The following NLGN1 variants were observed in gnomAD, a reference collection of about 807,000 sequenced individuals.
NLGN1 encodes the protein neuroligin 1.
NLGN1 carries 12 observed loss-of-function variants against 65.5 expected under a neutral mutation model. The ratio of observed to expected loss-of-function variants is 0.18; its 90% CI spans 0.12 to 0.30. The LOEUF (loss-of-function observed/expected upper bound fraction) is 0.30, where lower values mean the gene tolerates loss of function less well. Among genes scored for constraint, NLGN1 ranks in the 10% least tolerant of loss-of-function variants. NLGN1 has a pLI of 1.00. For synonymous variants in NLGN1, 350 were observed against 359.5 expected (o/e 0.97, Z 0.30); for missense variants, 750 against 1,007.1 (o/e 0.74, Z 3.46).
intron 4 of NLGN1, among the ~76,000 whole-genome samples, chr3:173,974,433 A>G (rs1223986700): frequency 6.6e-6 from 1 of 152,086 alleles, no homozygotes; most frequent in East Asian, 1.9e-4. Flanking sequence ...ACAAATAATT[A>G]TTAATCACTT....
intron 4 of NLGN1, among the ~76,000 whole-genome samples, chr3:173,813,846 A>C (rs1718480426): frequency 1.3e-5 from 2 of 152,256 alleles, no homozygotes; most frequent in South Asian, 4.1e-4. Context: ...CTTACATTGT[A>C]CTACAGAAGA....
intron 4 of NLGN1, among the ~76,000 whole-genome samples, chr3:173,814,841 C>T (rs1460803592): frequency 2.0e-5 from 3 of 151,924 alleles, no homozygotes; most frequent in African/African-American, 7.3e-5. Flanking sequence ...ACATAGATAA[C>T]GATTGAATGC....
intron 4 of NLGN1, among the ~76,000 whole-genome samples, chr3:173,975,147 A>C (rs529932952): frequency 6.6e-6 from 1 of 152,168 alleles, no homozygotes; most frequent in South Asian, 2.1e-4. Flanking sequence ...TTACACTTAC[A>C]GTTGTCTTTA....
At chr3:174,224,832 A>G (rs1057130169) in intron 4 of NLGN1, among the ~76,000 whole-genome samples, 1 of 152,166 alleles carries the variant, frequency 6.6e-6, no homozygotes, top group African/African-American at 2.4e-5. Context: ...ACTTTTCCAG[A>G]ATCCCCAGGA....
At chr3:174,103,657 G>A (rs1713059488) in intron 4 of NLGN1, among the ~76,000 whole-genome samples, 1 of 151,948 alleles carries the variant, frequency 6.6e-6, no homozygotes, top group South Asian at 2.1e-4. Context: ...TTGTTATGTT[G>A]CAGTGAACTA....
intron 4 of NLGN1, among the ~76,000 whole-genome samples, chr3:173,938,589 G>A (rs2152302973): frequency 6.6e-6 from 1 of 152,254 alleles, no homozygotes; most frequent in Middle Eastern, 3.4e-3. Context: ...AAATGTCAAG[G>A]AGGTGCAAAG....
intron 2 of NLGN1, among the ~76,000 whole-genome samples, chr3:173,480,709 A>G (rs1167808671): frequency 6.6e-6 from 1 of 152,100 alleles, no homozygotes; most frequent in African/African-American, 2.4e-5. Context: ...TAGCTTTTTA[A>G]TTATTCCACT....
intron 4 of NLGN1, among the ~76,000 whole-genome samples, chr3:174,114,145 T>C (rs949997363): frequency 6.6e-6 from 1 of 152,198 alleles, no homozygotes; most frequent in Admixed American, 6.5e-5. Flanking sequence ...TCCTCATCCT[T>C]ATCTAGGCTG....
chr3:173,915,291 C>A (rs998793459), intron 4 of NLGN1, among the ~76,000 whole-genome samples: 1 of 152,132 alleles, frequency 6.6e-6, no homozygotes, highest in Non-Finnish European at 1.5e-5. Context: ...ATTTTATGAC[C>A]TACATCTCAT....
At chr3:173,466,838 T>C (rs574312733) in intron 2 of NLGN1, among the ~76,000 whole-genome samples, 234 of 152,302 alleles carry the variant, frequency 1.5e-3, no homozygotes, top group South Asian at 5.0e-3. Flanking sequence ...CTTCAGGGAA[T>C]GAGCTGTTTC....
intron 3 of NLGN1, among the ~76,000 whole-genome samples, chr3:173,616,070 A>G (rs3853392): frequency 0.12 from 17,872 of 151,466 alleles, 1,173 homozygotes; most frequent in South Asian, 0.22. Context: ...GGCAAGGGGC[A>G]TTGAGGGAAC....
At chr3:173,806,225 C>T (rs1218345132) in intron 3 of NLGN1, among the ~76,000 whole-genome samples, 1 of 152,116 alleles carries the variant, frequency 6.6e-6, no homozygotes, top group Non-Finnish European at 1.5e-5. Flanking sequence ...AATCCTTGAC[C>T]TAAAATGATT....
At chr3:173,485,066 T>C (rs78694086) in intron 2 of NLGN1, among the ~76,000 whole-genome samples, 276 of 148,824 alleles carry the variant, frequency 1.9e-3, no homozygotes, top group African/African-American at 6.8e-3. Flanking sequence ...CTCACAATCA[T>C]TGTGGGAAGT....
chr3:173,498,205 T>TCC (rs1204096236), intron 2 of NLGN1, among the ~76,000 whole-genome samples: 5 of 144,690 alleles, frequency 3.5e-5, no homozygotes, highest in Admixed American at 2.7e-4. Context: ...CCCTCCCCAC[T>TCC]CCCCCCACCC....
At chr3:174,083,865 G>T (rs1742750637) in intron 4 of NLGN1, among the ~76,000 whole-genome samples, 1 of 152,056 alleles carries the variant, frequency 6.6e-6, no homozygotes, top group African/African-American at 2.4e-5. Context: ...AGAGCTGATA[G>T]CCACATGGTG....
chr3:174,048,251 A>AGTC (rs1167785662), intron 4 of NLGN1, among the ~76,000 whole-genome samples: 1 of 152,116 alleles, frequency 6.6e-6, no homozygotes, highest in East Asian at 1.9e-4. Flanking sequence ...ATCTGGAGAT[A>AGTC]GTCGTGATGT....
At chr3:173,687,668 T>C (rs1217387831) in intron 3 of NLGN1, among the ~76,000 whole-genome samples, 1 of 152,252 alleles carries the variant, frequency 6.6e-6, no homozygotes, top group East Asian at 1.9e-4. Context: ...GAGTTGTCGA[T>C]GTCATCAGCT....
At chr3:173,816,183 A>G (rs1172846630) in intron 4 of NLGN1, among the ~76,000 whole-genome samples, 2 of 151,810 alleles carry the variant, frequency 1.3e-5, no homozygotes, top group Admixed American at 6.6e-5. Context: ...GTCAATAATA[A>G]CCTAATAATC....
intron 3 of NLGN1, among the ~76,000 whole-genome samples, chr3:173,623,364 A>T (rs1021726088): frequency 6.6e-6 from 1 of 152,138 alleles, no homozygotes; most frequent in Non-Finnish European, 1.5e-5. Flanking sequence ...GAAAAAAAAA[A>T]ACAGATTGTT....
Sources: allele counts gnomAD v4.1 joint callset (sites outside exome capture counted in the v4.1 genomes callset), GRCh38; gene constraint gnomAD v4.1.1; transcripts MANE v1.5; gene names NCBI Gene and HGNC (gene_info 2026-07-23, HGNC 2026-07-21).